MEGF11: variants seen among roughly 807,000 people sequenced by gnomAD.
MEGF11 encodes multiple EGF like domains 11, also known as multiple epidermal growth factor-like domains protein 11.
In MEGF11, 126 loss-of-function variants were observed where a neutral mutation model predicts 146.6. The observed-to-expected ratio is 0.86, with a 90% CI of 0.74 to 1.00. The LOEUF is 1.00. Ranked by LOEUF, MEGF11 falls within the 50% of genes least tolerant of loss-of-function variation. MEGF11 has a pLI of 0.00. For missense variants in MEGF11, 1,509 were observed against 1,521.2 expected (o/e 0.99, Z 0.13); for synonymous variants, 532 against 583.4 (o/e 0.91, Z 1.27).
intron 5 of MEGF11, among the ~76,000 whole-genome samples, chr15:66,001,461 T>C (rs1435496007): frequency 2.0e-5 from 3 of 152,126 alleles, no homozygotes; most frequent in Non-Finnish European, 4.4e-5. Flanking sequence ...CAGCCAAGCA[T>C]CGGGTTCCCT....
At chr15:66,093,077 C>T (rs768154273) in intron 5 of MEGF11, among the ~76,000 whole-genome samples, 2 of 152,224 alleles carry the variant, frequency 1.3e-5, no homozygotes, top group African/African-American at 2.4e-5. Flanking sequence ...GTTTCCCAGT[C>T]ATGGCTCACT....
intron 1 of MEGF11, among the ~76,000 whole-genome samples, chr15:66,194,805 A>C (rs907958565): frequency 2.0e-5 from 3 of 152,276 alleles, no homozygotes; most frequent in Admixed American, 2.0e-4. Context: ...TTGTTCCCCC[A>C]AAAACCTATG....
intron 10 of MEGF11, among the ~76,000 whole-genome samples, chr15:65,944,456 G>C (rs1038192674): frequency 6.6e-6 from 1 of 152,180 alleles, no homozygotes; most frequent in Non-Finnish European, 1.5e-5. Context: ...ACGTGGGTTG[G>C]GGGGCTGCAG....
At chr15:65,902,144 G>C (rs1417527778) in intron 24 of MEGF11, 1 of 152,254 alleles carries the variant, frequency 6.6e-6, no homozygotes, top group Non-Finnish European at 1.5e-5. Flanking sequence ...TCCCATGACT[G>C]AGTTAGGGCA....
intron 5 of MEGF11, among the ~76,000 whole-genome samples, chr15:66,059,249 CGAG>C (rs1171599661): frequency 1.3e-5 from 2 of 152,224 alleles, no homozygotes; most frequent in African/African-American, 4.8e-5. Context: ...ATCCTCACCA[CGAG>C]GAAGTTCTCC....
rs1318365028 is a variant in MEGF11 at position 65,916,235 on chromosome 15, A to C, written c.2257T>G (p.Cys753Gly). Residue 753 changes from cysteine to glycine, a missense_variant, in exon 18 of 26, where the codon TGC becomes GGC. Coordinates refer to ENST00000395614, the MANE Select transcript of MEGF11 (RefSeq NM_001385028.1). ...CAGCTGGCGCCATTCTGACACTGGCATACGCGCCCACAGTCCTTCCCAAAA... is the reference window on the plus strand; with the variant it reads ...CAGCTGGCGCCATTCTGACACTGGCCTACGCGCCCACAGTCCTTCCCAAAA... ...AFFGKDCGRV[C>G]QCQNGASCDH... The C allele has an allele frequency of 1.9e-6, 3 of 1,562,446 alleles. No homozygotes were observed. The highest frequency in any genetic ancestry group is 1.7e-4 in the Middle Eastern group (1 of 6,010).
intron 4 of MEGF11, among the ~76,000 whole-genome samples, chr15:66,096,004 C>G (rs2086536264): frequency 6.6e-6 from 1 of 152,192 alleles, no homozygotes; most frequent in African/African-American, 2.4e-5. Context: ...CCGGGCTCCC[C>G]CTGTTCTCAC....
chr15:66,114,024 C>T (rs994964931), intron 4 of MEGF11, among the ~76,000 whole-genome samples: 2 of 152,170 alleles, frequency 1.3e-5, no homozygotes, highest in Non-Finnish European at 2.9e-5. Context: ...GGGACTGGGG[C>T]CCAGCAGTCT....
intron 5 of MEGF11, among the ~76,000 whole-genome samples, chr15:66,023,708 TG>T (rs2083236174): frequency 6.6e-6 from 1 of 152,218 alleles, no homozygotes; most frequent in Non-Finnish European, 1.5e-5. Flanking sequence ...ACTGAATCAA[TG>T]GGCTGGATTA....
intron 1 of MEGF11, among the ~76,000 whole-genome samples, chr15:66,243,539 G>A (rs1356179632): frequency 6.6e-6 from 1 of 152,232 alleles, no homozygotes; most frequent in Non-Finnish European, 1.5e-5. Flanking sequence ...ACGATCACTG[G>A]AAGTGAGCTG....
At chr15:66,214,729 C>T (rs1442348217) in intron 1 of MEGF11, among the ~76,000 whole-genome samples, 3 of 152,066 alleles carry the variant, frequency 2.0e-5, no homozygotes, top group African/African-American at 7.2e-5. Context: ...GCCATCTCAC[C>T]CCAAGACCGG....
At chr15:65,956,347 C>T (rs1044849502) in intron 10 of MEGF11, among the ~76,000 whole-genome samples, 1 of 152,178 alleles carries the variant, frequency 6.6e-6, no homozygotes, top group Non-Finnish European at 1.5e-5. Flanking sequence ...TGAACAAGGA[C>T]CACAGGTGCT....
chr15:66,241,925 A>G (rs2092218712), intron 1 of MEGF11, among the ~76,000 whole-genome samples: 1 of 152,222 alleles, frequency 6.6e-6, no homozygotes, highest in African/African-American at 2.4e-5. Flanking sequence ...CAGACAACAA[A>G]GAGAAACACA....
intron 5 of MEGF11, among the ~76,000 whole-genome samples, chr15:66,016,398 C>A (rs1375557162): frequency 6.6e-6 from 1 of 152,230 alleles, no homozygotes; most frequent in Admixed American, 6.5e-5. Flanking sequence ...AGAATCACAA[C>A]CCCGAGTTTT....
chr15:66,079,793 A>C (rs889704237), intron 5 of MEGF11, among the ~76,000 whole-genome samples: 2 of 152,060 alleles, frequency 1.3e-5, no homozygotes, highest in Non-Finnish European at 2.9e-5. Flanking sequence ...GAGTGGGTGG[A>C]GGGTAGAGAT....
Position 65,980,905 on chromosome 15 carries a change from G to T in MEGF11, c.642-7C>A. On this transcript the variant is annotated splice_polypyrimidine_tract_variant and splice_region_variant and intron_variant, in intron 6 of 25. Coordinates refer to ENST00000395614, the MANE Select transcript of MEGF11 (RefSeq NM_001385028.1). ...AGGGCACAGCTCCTCGCAGCTGCAT[G>T]GAGAAGCAGAGGTGTTAGACACAGC... 6.4e-7 allele frequency: 1 copy of T among 1,571,238 alleles called. No homozygotes were observed. The highest frequency in any genetic ancestry group is 2.3e-5 in the East Asian group (1 of 43,380).
intron 20 of MEGF11, among the ~76,000 whole-genome samples, chr15:65,912,798 C>CT (rs2078857958): frequency 6.6e-6 from 1 of 152,246 alleles, no homozygotes; most frequent in Non-Finnish European, 1.5e-5. Context: ...TGGCCTGCCT[C>CT]TGTCTATCCT....
intron 5 of MEGF11, among the ~76,000 whole-genome samples, chr15:66,026,422 TGGA>T (rs776473979): frequency 9.9e-5 from 15 of 152,202 alleles, no homozygotes; most frequent in Non-Finnish European, 1.9e-4. Flanking sequence ...GCTTGTGGAA[TGGA>T]TGCACCCCTA....
chr15:65,914,170 C>A (rs781598558), intron 19 of MEGF11, 197 bp from the exon 20 acceptor site: 20 of 584,186 alleles, frequency 3.4e-5, no homozygotes, highest in Non-Finnish European at 5.8e-5. Context: ...GTCTCAGGGT[C>A]ATGACAAGGA....
Sources: gnomAD v4.1 joint callset for allele counts (sites outside exome capture counted in the v4.1 genomes callset) on GRCh38, gnomAD v4.1.1 for gene constraint, MANE v1.5 for transcripts, NCBI Gene and HGNC (gene_info 2026-07-23, HGNC 2026-07-21) for gene names.